FBXO42: variants seen among roughly 807,000 people sequenced by gnomAD.
FBXO42 encodes F-box only protein 42.
FBXO42 carries 12 observed loss-of-function variants against 71.7 expected under a neutral mutation model. That is an observed-to-expected ratio of 0.17 (90% CI 0.11 to 0.27). The LOEUF is 0.27. FBXO42 is among the 10% of genes least tolerant of loss of function. The probability of loss-of-function intolerance (pLI) is 1.00; values close to 1 mark genes in which losing one functional copy is unlikely to be tolerated. For missense variants in FBXO42, 707 were observed against 911.9 expected (o/e 0.78, Z 2.89); for synonymous variants, 325 against 327.5 (o/e 0.99, Z 0.08).
intron 3 of FBXO42, among the ~76,000 whole-genome samples, chr1:16,301,074 T>C (rs535455743): frequency 1.1e-4 from 16 of 152,030 alleles, no homozygotes; most frequent in Admixed American, 2.0e-4. Flanking sequence ...AATTTTTGTA[T>C]GTTTAGTGGA....
At chr1:16,332,370 T>C (rs1239063989) in intron 1 of FBXO42, among the ~76,000 whole-genome samples, 2 of 152,146 alleles carry the variant, frequency 1.3e-5, no homozygotes, top group African/African-American at 2.4e-5. Flanking sequence ...AGATTAAATA[T>C]ATCTATTATT....
chr1:16,310,124 G>A (rs1448485579), intron 2 of FBXO42, among the ~76,000 whole-genome samples: 1 of 149,550 alleles, frequency 6.7e-6, no homozygotes, highest in African/African-American at 2.5e-5. Context: ...GAACCCGGGA[G>A]AGGAGCTTGC....
intron 7 of FBXO42, 123 bp from the exon 8 acceptor site, chr1:16,253,275 C>A: frequency 1.3e-6 from 1 of 744,696 alleles, no homozygotes; most frequent in South Asian, 1.9e-5. Flanking sequence ...GTTACCATAA[C>A]CTCTCCATTC....
intron 4 of FBXO42, among the ~76,000 whole-genome samples, chr1:16,278,128 G>T (rs183870583): frequency 4.0e-5 from 6 of 151,894 alleles, no homozygotes; most frequent in Non-Finnish European, 8.8e-5. Flanking sequence ...AGGCCGAGGC[G>T]GGCGGATCAC....
At chr1:16,344,602 C>T (rs2082638508) in intron 1 of FBXO42, among the ~76,000 whole-genome samples, 1 of 151,138 alleles carries the variant, frequency 6.6e-6, no homozygotes, top group South Asian at 2.1e-4. Flanking sequence ...TCCCAAAGTG[C>T]TGGGATTACA....
Position 16,331,402 on chromosome 1 carries a change from G to A in FBXO42, c.-17-15967C>T, listed in dbSNP as rs186144200. Among the ~76,000 whole-genome samples, 760 of 149,396 alleles carry A rather than the reference G, an allele frequency of 5.1e-3. 6 individuals carry two copies. Among genetic ancestry groups the A allele is most frequent in the African/African-American group, 0.012 (496 of 40,312 alleles). ...TGCACTCCAGCCTGGGCGACAGAGCGAGACTCTGTCTCAAAAAGAAAATAA... is the reference window on the plus strand; with the variant it reads ...TGCACTCCAGCCTGGGCGACAGAGCAAGACTCTGTCTCAAAAAGAAAATAA... On this transcript the variant is annotated intron_variant, in intron 1 of 9. Transcript: ENST00000375592.
At chr1:16,326,853 A>G (rs925583139) in intron 1 of FBXO42, among the ~76,000 whole-genome samples, 13 of 152,184 alleles carry the variant, frequency 8.5e-5, no homozygotes, top group African/African-American at 3.1e-4. Context: ...AGCTACATAA[A>G]TGTCATCTAA....
At chr1:16,333,570 G>A (rs528854010) in intron 1 of FBXO42, among the ~76,000 whole-genome samples, 2 of 152,156 alleles carry the variant, frequency 1.3e-5, no homozygotes, top group African/African-American at 2.4e-5. Context: ...GCCTGTGACA[G>A]TGCAAGACGA....
chr1:16,266,127 A>C (rs2081769419), intron 4 of FBXO42, among the ~76,000 whole-genome samples: 1 of 152,182 alleles, frequency 6.6e-6, no homozygotes, highest in African/African-American at 2.4e-5. Context: ...AAAAGTCAGA[A>C]CCCTTTCTAC....
chr1:16,252,769 T>C lies in FBXO42; in HGVS notation c.921+327A>G, dbSNP rs1371146949. Among the ~76,000 whole-genome samples, 1 of 152,202 alleles carries C rather than the reference T, an allele frequency of 6.6e-6. No homozygotes were observed. Among genetic ancestry groups the C allele is most frequent in the Non-Finnish European group, 1.5e-5 (1 of 68,040 alleles). On this transcript the variant is annotated intron_variant, in intron 8 of 9. Transcript: ENST00000375592. The surrounding 1 kb of genome is among the most constrained non-coding windows in gnomAD (Gnocchi z 4.4). ...TAAATACTGTGTGAACTCTGACAGT[T>C]ATCAACCTGCTTTTTTGTTCCACTG...
chr1:16,251,327 G>A lies in FBXO42; in HGVS notation c.1497C>T (p.Ser499=). 1.9e-6 allele frequency: 3 copies of A among 1,614,184 alleles called. No individual in the cohort carries two copies. The highest frequency in any genetic ancestry group is 2.2e-5 in the East Asian group (1 of 44,874). Residue 499 remains serine (S), a synonymous_variant, in exon 10 of 10, where the codon TCC becomes TCT. Coordinates refer to ENST00000375592, the MANE Select transcript of FBXO42 (RefSeq NM_018994.3). This position sits in a 1 kb window ranked among gnomAD's most constrained non-coding sequence, Gnocchi z 4.5. The part of the protein sequence containing the change: ...LPDQKDLRLG[S]IDLNWDLKPA... ...GTTTCAGATCCCAATTCAGATCTAT[G>A]GATCCTAATCTCAGATCTTTCTGAT...
chr1:16,265,416 C>G (rs1490660339), intron 4 of FBXO42, among the ~76,000 whole-genome samples: 1 of 152,060 alleles, frequency 6.6e-6, no homozygotes, highest in Non-Finnish European at 1.5e-5. Flanking sequence ...TATCTCCATG[C>G]TATTATCATT....
At chr1:16,314,951 A>G (rs1424385236) in intron 2 of FBXO42, among the ~76,000 whole-genome samples, 1 of 152,184 alleles carries the variant, frequency 6.6e-6, no homozygotes, top group Non-Finnish European at 1.5e-5. Context: ...GCTTTTAAAA[A>G]CAATCCTCAT....
At chr1:16,317,238 T>C (rs1312982128) in intron 1 of FBXO42, among the ~76,000 whole-genome samples, 2 of 152,042 alleles carry the variant, frequency 1.3e-5, no homozygotes, top group African/African-American at 4.8e-5. Context: ...GCCAACACAG[T>C]GAAACTCCAT....
At chr1:16,308,803 G>A (rs1370347996) in intron 2 of FBXO42, among the ~76,000 whole-genome samples, 2 of 143,460 alleles carry the variant, frequency 1.4e-5, no homozygotes, top group African/African-American at 5.3e-5. Context: ...GGAGTGCGTG[G>A]TGCAATGTCA....
intron 1 of FBXO42, among the ~76,000 whole-genome samples, chr1:16,338,808 T>C (rs1305702579): frequency 7.3e-6 from 1 of 136,546 alleles, no homozygotes; most frequent in Admixed American, 7.2e-5. Context: ...ATTTGTCTTT[T>C]TTTTTTTTTT....
chr1:16,290,287 T>C (rs1047592831), intron 4 of FBXO42, among the ~76,000 whole-genome samples: 1 of 152,182 alleles, frequency 6.6e-6, no homozygotes, highest in Non-Finnish European at 1.5e-5. Flanking sequence ...CAAATCCATA[T>C]GGTGAAGCCC....
intron 1 of FBXO42, among the ~76,000 whole-genome samples, chr1:16,346,179 A>C (rs1195009857): frequency 6.6e-6 from 1 of 152,214 alleles, no homozygotes; most frequent in African/African-American, 2.4e-5. Flanking sequence ...TTTACGAAGA[A>C]ATTTATAATG....
At chr1:16,299,466 CCAAAG>C (rs1300312667) in intron 3 of FBXO42, among the ~76,000 whole-genome samples, 1 of 152,006 alleles carries the variant, frequency 6.6e-6, no homozygotes, top group Non-Finnish European at 1.5e-5. Flanking sequence ...AAGGCACAGC[CCAAAG>C]TATGCAAAGC....
Sources: allele counts gnomAD v4.1 joint callset (sites outside exome capture counted in the v4.1 genomes callset), GRCh38; gene constraint gnomAD v4.1.1; non-coding constraint Gnocchi (gnomAD v3.1); transcripts MANE v1.5; gene names NCBI Gene and HGNC (gene_info 2026-07-23, HGNC 2026-07-21).